Variants in RPH3A observed in about 807,000 individuals in gnomAD.
RPH3A encodes rabphilin 3A.
RPH3A carries 48 observed loss-of-function variants against 102.2 expected under a neutral mutation model. The observed-to-expected ratio is 0.47, with a 90% CI of 0.37 to 0.60. RPH3A has a LOEUF of 0.60. RPH3A is among the 20% of genes least tolerant of loss of function. RPH3A has a pLI of 0.00. For missense variants in RPH3A, 781 were observed against 910.1 expected, an observed-to-expected ratio of 0.86 and a Z score of 1.83; for synonymous variants, 310 against 324.3, an observed-to-expected ratio of 0.96 and a Z score of 0.47.
chr12:112,655,563 C>CTTTTTTTTTTT (rs71086113), intron 1 of RPH3A, among the ~76,000 whole-genome samples: 3 of 55,584 alleles, frequency 5.4e-5, no homozygotes, highest in East Asian at 6.7e-4. Context: ...TTTTGTTGGT[C>CTTTTTTTTTTT]TTTTTTTTTT....
chr12:112,776,404 C>A (rs921825652), intron 1 of RPH3A, among the ~76,000 whole-genome samples: 1 of 152,172 alleles, frequency 6.6e-6, no homozygotes, highest in African/African-American at 2.4e-5. Context: ...ACTTGGCTAT[C>A]TTGCTCAGCT....
intron 1 of RPH3A, among the ~76,000 whole-genome samples, chr12:112,621,014 T>A (rs1204747116): frequency 1.3e-5 from 2 of 151,926 alleles, no homozygotes; most frequent in African/African-American, 4.8e-5. Flanking sequence ...ATTATTATTT[T>A]TTTTTTTTTG....
intron 2 of RPH3A, among the ~76,000 whole-genome samples, chr12:112,804,186 G>C (rs981177225): frequency 6.6e-6 from 1 of 152,206 alleles, no homozygotes; most frequent in Non-Finnish European, 1.5e-5. Flanking sequence ...AGTTAGGAAC[G>C]AAAACCAGGT....
intron 5 of RPH3A, among the ~76,000 whole-genome samples, chr12:112,857,358 C>T (rs180725556): frequency 2.6e-5 from 4 of 152,288 alleles, no homozygotes; most frequent in Non-Finnish European, 5.9e-5. Flanking sequence ...CCTCCAGTGG[C>T]AAAAGGGTCT....
chr12:112,786,514 T>C (rs1389674396), intron 1 of RPH3A, among the ~76,000 whole-genome samples: 1 of 152,180 alleles, frequency 6.6e-6, no homozygotes. Flanking sequence ...TCCCTGACAG[T>C]AGCATTTCCC....
chr12:112,719,286 C>G (rs1466167296), intron 1 of RPH3A, among the ~76,000 whole-genome samples: 3 of 152,228 alleles, frequency 2.0e-5, no homozygotes, highest in East Asian at 3.9e-4. Context: ...GGAAGTCAGA[C>G]AGGAATGAGA....
chr12:112,865,302 C>T (rs1478109602), intron 5 of RPH3A, 112 bp from the exon 6 acceptor site: 17 of 1,262,274 alleles, frequency 1.3e-5, no homozygotes, highest in East Asian at 9.4e-5. Flanking sequence ...TGTCATCAGA[C>T]GCACAACAGC....
intron 2 of RPH3A, among the ~76,000 whole-genome samples, chr12:112,827,121 G>C (rs12827602): frequency 6.6e-6 from 1 of 151,880 alleles, no homozygotes; most frequent in East Asian, 1.9e-4. Flanking sequence ...GGACAATTCC[G>C]TGGCTTTTAG....
At chr12:112,890,231 C>T in intron 18 of RPH3A, 151 bp downstream of exon 18, 1 of 698,640 alleles carries the variant, frequency 1.4e-6, no homozygotes, top group Non-Finnish European at 2.5e-6. Context: ...CCTTTGCCCA[C>T]AAGTGATGTC....
chr12:112,894,686 C>T, intron 20 of RPH3A, 27 bp downstream of exon 20: 1 of 1,601,954 alleles, frequency 6.2e-7, no homozygotes, highest in Non-Finnish European at 8.5e-7. Flanking sequence ...CTTTTTCATG[C>T]TCTGGGATAT....
chr12:112,753,783 A>G (rs1403972958), intron 1 of RPH3A, among the ~76,000 whole-genome samples: 1 of 152,248 alleles, frequency 6.6e-6, no homozygotes. Flanking sequence ...ATGGTCCTCC[A>G]AAGATGTCTA....
At chr12:112,706,382 A>C (rs912985054) in intron 1 of RPH3A, among the ~76,000 whole-genome samples, 1 of 152,146 alleles carries the variant, frequency 6.6e-6, no homozygotes, top group African/African-American at 2.4e-5. Context: ...ATGAAGCCCC[A>C]GTCGCCCACA....
chr12:112,866,937 G>A (rs2042621629), intron 7 of RPH3A, 97 bp downstream of exon 7: 1 of 839,740 alleles, frequency 1.2e-6, no homozygotes, highest in Non-Finnish European at 2.0e-6. Context: ...ACCCAGCTCA[G>A]CAGTGAACAT....
chr12:112,582,750 G>A (rs2039409353), intron 1 of RPH3A, among the ~76,000 whole-genome samples: 1 of 151,770 alleles, frequency 6.6e-6, no homozygotes, highest in Non-Finnish European at 1.5e-5. Flanking sequence ...GTGTCAGCCT[G>A]GCCACGAACA....
At chr12:112,704,310 G>A (rs1050461279) in intron 1 of RPH3A, among the ~76,000 whole-genome samples, 3 of 152,028 alleles carry the variant, frequency 2.0e-5, no homozygotes, top group Admixed American at 6.6e-5. Context: ...GGCTGGTCTC[G>A]AACTCCTGAC....
intron 1 of RPH3A, among the ~76,000 whole-genome samples, chr12:112,692,965 T>C (rs2040318309): frequency 6.6e-6 from 1 of 152,004 alleles, no homozygotes; most frequent in Non-Finnish European, 1.5e-5. Context: ...AGAGAGCACA[T>C]AGGAAAACAC....
intron 1 of RPH3A, among the ~76,000 whole-genome samples, chr12:112,750,617 G>A (rs1298023416): frequency 6.6e-6 from 1 of 152,188 alleles, no homozygotes; most frequent in African/African-American, 2.4e-5. Flanking sequence ...TAAGGCCCAA[G>A]AGATGGGTGG....
intron 1 of RPH3A, among the ~76,000 whole-genome samples, chr12:112,607,849 T>C (rs568754100): frequency 6.6e-6 from 1 of 152,340 alleles, no homozygotes; most frequent in African/African-American, 2.4e-5. Flanking sequence ...TGTTCTTTGC[T>C]CGACATGTAG....
At chr12:112,715,577 A>G (rs1199377065) in intron 1 of RPH3A, among the ~76,000 whole-genome samples, 3 of 152,166 alleles carry the variant, frequency 2.0e-5, no homozygotes, top group Non-Finnish European at 2.9e-5. Flanking sequence ...TATTTGCATT[A>G]TGTGAAGACT....
Sources: gnomAD v4.1 joint callset for allele counts (sites outside exome capture counted in the v4.1 genomes callset) on GRCh38, gnomAD v4.1.1 for gene constraint, MANE v1.5 for transcripts, NCBI Gene and HGNC (gene_info 2026-07-23, HGNC 2026-07-21) for gene names.